GTF3C6: variants seen among roughly 807,000 people sequenced by gnomAD.
The protein encoded by GTF3C6 is general transcription factor 3C polypeptide 6.
Under a neutral mutation model 19.2 loss-of-function variants are expected in GTF3C6, and 11 were observed. The ratio of observed to expected loss-of-function variants is 0.57; its 90% CI spans 0.36 to 0.95. The LOEUF (loss-of-function observed/expected upper bound fraction) is 0.95, where lower values mean the gene tolerates loss of function less well. GTF3C6 is among the 40% of genes least tolerant of loss of function. GTF3C6 has a pLI of 0.01. For synonymous variants in GTF3C6, 87 were observed against 84.2 expected, an observed-to-expected ratio of 1.03 and a Z score of -0.18; for missense variants, 222 against 254.7, an observed-to-expected ratio of 0.87 and a Z score of 0.87.
rs544130151 is a variant in GTF3C6, at chr6:110,967,000, A to G, written c.362-510A>G. On this transcript the variant is annotated intron_variant, in intron 5 of 5. Transcript: ENST00000329970. ...GAAATTCCGTCTCTATTGAAATACAAAAATTAGCCAGGCATGGTGGCACAC... is the reference window on the plus strand; with the variant it reads ...GAAATTCCGTCTCTATTGAAATACAGAAATTAGCCAGGCATGGTGGCACAC... Among the ~76,000 whole-genome samples the G allele has an allele frequency of 1.1e-4, 17 of 152,176 alleles. No homozygotes were observed. In the East Asian group the frequency reaches 3.3e-3, roughly 29 times the overall value.
intron 5 of GTF3C6, among the ~76,000 whole-genome samples, chr6:110,964,458 T>TGG (rs1184004452): frequency 6.6e-6 from 1 of 152,052 alleles, no homozygotes; most frequent in East Asian, 1.9e-4. Flanking sequence ...TTGGTCAGGC[T>TGG]GGTCTGGAAC....
chr6:110,962,350 A>C (rs1466001600), intron 4 of GTF3C6, 42 bp from the exon 5 acceptor site: 2 of 1,032,884 alleles, frequency 1.9e-6, no homozygotes, highest in Non-Finnish European at 3.0e-6. Context: ...GTTTTATTTG[A>C]TGGCATAAGA....
chr6:110,959,688 G>A (rs955257611), intron 2 of GTF3C6, among the ~76,000 whole-genome samples: 4 of 152,010 alleles, frequency 2.6e-5, no homozygotes, highest in Non-Finnish European at 5.9e-5. Context: ...ATGGCCAGGC[G>A]CGGTGGCTCA....
chr6:110,967,734 G>T lies in GTF3C6; in HGVS notation c.586G>T (p.Asp196Tyr). Residue 196 changes from aspartate (D) to tyrosine (Y), a missense_variant, in exon 6 of 6, where the codon GAT (aspartate) becomes TAT (tyrosine). Physicochemically the swap from Asp to Tyr is radical, Grantham distance 160 (BLOSUM62 -3). Coordinates refer to ENST00000329970, the MANE Select transcript of GTF3C6 (RefSeq NM_138408.4). ...LEIEDSGPLI[D>Y]IPSETEGSVF... ...AATAGAAGATTCTGGTCCTCTTATT[G>T]ATATACCTTCTGAGACAGAAGGTTC... The T allele has an allele frequency of 6.2e-7, 1 of 1,613,780 alleles. No homozygotes were observed. Among genetic ancestry groups the T allele is most frequent in the Non-Finnish European group, 8.5e-7 (1 of 1,179,842 alleles).
intron 5 of GTF3C6, 38 bp from the exon 6 acceptor site, chr6:110,967,471 GT>G (rs748285371): frequency 3.1e-5 from 48 of 1,533,476 alleles, no homozygotes; most frequent in Non-Finnish European, 4.0e-5. Flanking sequence ...TTCATTTTTT[GT>G]TTCTTTTTTT....
At chr6:110,960,323 T>A in intron 2 of GTF3C6, 91 bp from the exon 3 acceptor site, 1 of 1,104,156 alleles carries the variant, frequency 9.1e-7, no homozygotes. Context: ...GTTCCCCAGT[T>A]TTGGAGATTA....
chr6:110,967,811 G>A lies in GTF3C6; in HGVS notation c.*21G>A. On this transcript the variant is annotated 3_prime_UTR_variant, in exon 6 of 6. Transcript: ENST00000329970. ...CTTAGAAATCACTCCTAGATGAAAT[G>A]TTTCTCATAATAACTTGTCAAGAAC... 6.4e-7 allele frequency: 1 copy of A among 1,563,888 alleles called. No homozygotes were observed. The highest frequency in any genetic ancestry group is 8.6e-7 in the Non-Finnish European group (1 of 1,156,754).
intron 5 of GTF3C6, among the ~76,000 whole-genome samples, chr6:110,964,863 G>A (rs943136823): frequency 2.9e-5 from 4 of 140,156 alleles, no homozygotes; most frequent in Admixed American, 7.3e-5. Flanking sequence ...GACGAATTTC[G>A]CTCTTGTTGC....
At chr6:110,962,066 C>T (rs1039156371) in intron 4 of GTF3C6, among the ~76,000 whole-genome samples, 1 of 151,988 alleles carries the variant, frequency 6.6e-6, no homozygotes, top group African/African-American at 2.4e-5. Context: ...CCATGCCCAG[C>T]GAATTTTTTG....
At chr6:110,964,434 A>C (rs1429924776) in intron 5 of GTF3C6, among the ~76,000 whole-genome samples, 1 of 151,570 alleles carries the variant, frequency 6.6e-6, no homozygotes, top group South Asian at 2.1e-4. Context: ...TAGTAGAGAC[A>C]GGGTTTCACC....
rs1217063363 is a variant in GTF3C6, at chr6:110,958,861, T to G, written c.57+35T>G. 14 of 1,541,802 alleles carry G rather than the reference T, an allele frequency of 9.1e-6. No individual in the cohort carries two copies. The South Asian group carries it at 1.7e-4, about 18-fold the overall frequency. ...GCTACGCCAAAAGCCTGCACCGCAG[T>G]GGCGGTGATGCCTGTGCTGGCTGTG... On this transcript the variant is annotated intron_variant, in intron 1 of 5. Coordinates refer to ENST00000329970, the MANE Select transcript of GTF3C6 (RefSeq NM_138408.4).
chr6:110,958,990 G>T (rs933994479), intron 1 of GTF3C6, 164 bp downstream of exon 1: 67 of 876,498 alleles, frequency 7.6e-5, no homozygotes, highest in Non-Finnish European at 1.1e-4. Flanking sequence ...TGGGACCTTA[G>T]CCCTAATCGT....
intron 4 of GTF3C6, among the ~76,000 whole-genome samples, chr6:110,961,902 C>T (rs1426082815): frequency 2.3e-5 from 3 of 132,054 alleles, no homozygotes; most frequent in Non-Finnish European, 3.1e-5. Context: ...CAACTGTTAA[C>T]GTATTTTTTT....
intron 4 of GTF3C6, 79 bp downstream of exon 4, chr6:110,960,695 C>T (rs1243762229): frequency 2.0e-6 from 2 of 1,015,802 alleles, no homozygotes; most frequent in Non-Finnish European, 3.1e-6. Flanking sequence ...CTCATGTATC[C>T]ACTGTCTAGC....
chr6:110,962,960 G>C lies in GTF3C6; in HGVS notation c.361+455G>C, dbSNP rs547852088. On this transcript the variant is annotated intron_variant, in intron 5 of 5. Transcript: ENST00000329970. Reference sequence around the variant, plus strand: ...GGGCCAGCTAATTTTTGTATTTTTAGTATAGACGGGGTTTTACAGTGTTGG... The same window carrying C: ...GGGCCAGCTAATTTTTGTATTTTTACTATAGACGGGGTTTTACAGTGTTGG... Among the ~76,000 whole-genome samples the C allele has an allele frequency of 5.3e-5, 8 of 152,232 alleles. No individual in the cohort carries two copies. The South Asian group carries it at 1.7e-3, about 32-fold the overall frequency.
chr6:110,958,792 G>A lies in GTF3C6; in HGVS notation c.23G>A (p.Arg8Gln). ...ACCATGGCGGCGGCGGCGGACGAGC[G>A]GAGTCCAGAGGACGGAGAAGACGAG... is the stretch of plus-strand genomic sequence containing the variant. MAAAADE[R>Q]SPEDGEDEEE... Residue 8 changes from arginine (R) to glutamine (Q), a missense_variant, in exon 1 of 6, where the codon CGG (arginine) becomes CAG (glutamine). Coordinates refer to ENST00000329970, the MANE Select transcript of GTF3C6 (RefSeq NM_138408.4). 6.4e-7 allele frequency: 1 copy of A among 1,551,086 alleles called. No individual in the cohort carries two copies. Among genetic ancestry groups the A allele is most frequent in the Non-Finnish European group, 8.7e-7 (1 of 1,146,972 alleles).
At chr6:110,958,944 G>T in intron 1 of GTF3C6, 118 bp downstream of exon 1, 1 of 1,207,822 alleles carries the variant, frequency 8.3e-7, no homozygotes, top group Non-Finnish European at 1.2e-6. Context: ...GCTCCTCACC[G>T]GCTTCTTGCT....
rs371266466 is a variant in GTF3C6 at position 110,962,471 on chromosome 6, C to T, written c.327C>T (p.Leu109=). Residue 109 remains leucine, a synonymous_variant, in exon 5 of 6, where the codon CTC becomes CTT. Transcript: ENST00000329970. The part of the protein sequence containing the change: ...TMKKLSMTRT[L]LTEKKEGEEN... The stretch of plus-strand genomic sequence containing the variant: ...AGAAGCTCAGCATGACAAGAACTCT[C>T]CTGACAGAGAAGAAGGAAGGAGAAG... 4 of 1,610,120 alleles carry T rather than the reference C, an allele frequency of 2.5e-6. No individual in the cohort carries two copies. The highest frequency in any genetic ancestry group is 2.2e-5 in the South Asian group (2 of 90,996).
chr6:110,967,170 T>A (rs1040923018), intron 5 of GTF3C6, among the ~76,000 whole-genome samples: 1 of 151,654 alleles, frequency 6.6e-6, no homozygotes, highest in Non-Finnish European at 1.5e-5. Flanking sequence ...AAAAACATTG[T>A]AGGGAAGTGA....
Sources: allele counts gnomAD v4.1 joint callset (sites outside exome capture counted in the v4.1 genomes callset), GRCh38; gene constraint gnomAD v4.1.1; transcripts MANE v1.5; gene names NCBI Gene and HGNC (gene_info 2026-07-23, HGNC 2026-07-21).